Variants in ZNF728 observed in about 807,000 individuals in gnomAD.
ZNF728 encodes the protein zinc finger protein 728.
In ZNF728, 12 loss-of-function variants were observed where a neutral mutation model predicts 12.5. That is an observed-to-expected ratio of 0.96 (90% CI 0.61 to 1.55). The LOEUF (loss-of-function observed/expected upper bound fraction) is 1.55. Ranked by LOEUF, ZNF728 falls within the 40% of genes most tolerant of loss-of-function variation. The pLI is 0.00. For synonymous variants in ZNF728, 205 were observed against 240.7 expected (o/e 0.85, Z 1.37); for missense variants, 692 against 719.2 (o/e 0.96, Z 0.43).
Position 23,003,018 on chromosome 19 carries a change from G to A in ZNF728, c.3+10C>T. 1 of 1,583,612 alleles carries A rather than the reference G, an allele frequency of 6.3e-7. No homozygotes were observed. On this transcript the variant is annotated intron_variant, in intron 1 of 3. Transcript: ENST00000594710. ...CCACTCTCTCGGGATGTCGGACCCGGCTGACTCACCATTTCTAGGCTTCCG... is the reference window on the plus strand; with the variant it reads ...CCACTCTCTCGGGATGTCGGACCCGACTGACTCACCATTTCTAGGCTTCCG...
intron 3 of ZNF728, among the ~76,000 whole-genome samples, chr19:22,978,726 G>A (rs1968831443): frequency 6.6e-6 from 1 of 152,184 alleles, no homozygotes; most frequent in Admixed American, 6.5e-5. Flanking sequence ...AGGGTCTGGA[G>A]TGGACCTCCA....
At chr19:22,987,436 G>T in intron 2 of ZNF728, 33 bp from the exon 3 acceptor site, 1 of 1,550,812 alleles carries the variant, frequency 6.4e-7, no homozygotes, top group Non-Finnish European at 8.7e-7. Flanking sequence ...CATGCATCTT[G>T]CTCATATTCT....
intron 3 of ZNF728, among the ~76,000 whole-genome samples, chr19:22,978,197 T>G (rs988260258): frequency 6.6e-6 from 1 of 151,662 alleles, no homozygotes; most frequent in Non-Finnish European, 1.5e-5. Flanking sequence ...TCTTAGGAGC[T>G]GCAAGATAAA....
intron 3 of ZNF728, among the ~76,000 whole-genome samples, chr19:22,986,189 G>A (rs1361861142): frequency 4.0e-5 from 6 of 151,784 alleles, no homozygotes; most frequent in Admixed American, 6.6e-5. Flanking sequence ...AGGTGTTTGC[G>A]CCTTCAAATT....
At chr19:22,985,023 T>C (rs1968900811) in intron 3 of ZNF728, among the ~76,000 whole-genome samples, 1 of 152,142 alleles carries the variant, frequency 6.6e-6, no homozygotes, top group Admixed American at 6.5e-5. Flanking sequence ...CAATAATTAT[T>C]ACTGTAAGCT....
Position 22,975,490 on chromosome 19 carries a change from C to A in ZNF728, c.1847G>T (p.Gly616Val). The A allele has an allele frequency of 6.5e-7, 1 of 1,548,690 alleles. No individual in the cohort carries two copies. Among genetic ancestry groups the A allele is most frequent in the Non-Finnish European group, 8.7e-7 (1 of 1,152,038 alleles). ...TTTTCACATTTGTAGGGTTTTTCCT[C>A]CAGTATGAATTCTCTTATGAGTAGT... ...HLTTHKRIHTGGKTLQM is the reference protein window; with the variant it reads ...HLTTHKRIHTVGKTLQM Residue 616 changes from glycine (G) to valine (V), a missense_variant, in exon 4 of 4, where the codon GGA becomes GTA. Transcript: ENST00000594710.
At chr19:22,991,158 C>T (rs1968983439) in intron 1 of ZNF728, among the ~76,000 whole-genome samples, 1 of 152,182 alleles carries the variant, frequency 6.6e-6, no homozygotes, top group Non-Finnish European at 1.5e-5. Flanking sequence ...CTAAAGTTTA[C>T]AGAGAAAATA....
chr19:22,976,802 C>T lies in ZNF728; in HGVS notation c.535G>A (p.Val179Ile). The change falls in exon 4 of 4, where the codon GTC (valine) becomes ATC (isoleucine). Residue 179 changes from valine to isoleucine, a missense_variant. By Grantham distance (29) the Val-to-Ile change is conservative. Transcript: ENST00000594710. ...TGTGAAAGCATGCAAAATGATCTGA[C>T]ATATTCTTTACATTTCAAAAGTTTC... ...GKKLLKCKEY[V>I]RSFCMLSHLS... The T allele has an allele frequency of 6.2e-7, 1 of 1,613,450 alleles. No homozygotes were observed. The highest frequency in any genetic ancestry group is 8.5e-7 in the Non-Finnish European group (1 of 1,179,824).
In ZNF728 at chr19:23,003,171, G is replaced by T; in HGVS notation, c.-141C>A. 2.0e-6 allele frequency: 2 copies of T among 1,014,934 alleles called. No homozygotes were observed. Among genetic ancestry groups the T allele is most frequent in the Non-Finnish European group, 1.4e-6 (1 of 711,588 alleles). 62.9% of individuals were successfully genotyped at this position (1,014,934 alleles called of 1,614,324 possible). ...ACCTTGACCTCCGCGTGCAGCGAGA[G>T]CCAACGGTCCTACCACATCCCGGAA... On this transcript the variant is annotated 5_prime_UTR_variant, in exon 1 of 4. Transcript: ENST00000594710.
At position 22,976,974 on chromosome 19, in the gene ZNF728, ATC is replaced by A. The variant is rs1445708792; in HGVS notation, c.361_362del (p.Asp121Ter). The A allele has an allele frequency of 6.2e-7, 1 of 1,613,576 alleles. No homozygotes were observed. ...AACCTTTTTTGTGCACCTTACACTCATCCACATTGGTACAACCAATTTTTAAC... is the reference window on the plus strand; with the variant it reads ...AACCTTTTTTGTGCACCTTACACTCACACATTGGTACAACCAATTTTTAAC... ...LQLKIGCTNV[D>X]ECKVHKKGYN... On this transcript the variant is annotated frameshift_variant, in exon 4 of 4. Transcript: ENST00000594710. LOFTEE classifies it low-confidence loss of function (END_TRUNC).
intron 1 of ZNF728, 37 bp downstream of exon 1, chr19:23,002,991 T>G (rs760992529): frequency 1.9e-6 from 3 of 1,587,994 alleles, no homozygotes; most frequent in Non-Finnish European, 2.6e-6. Flanking sequence ...AACCAGCGGC[T>G]GCCACTCTCT....
rs1231969486 is a variant in ZNF728, at chr19:22,976,041, G to A, written c.1296C>T (p.Ala432=). Residue 432 remains alanine (A), a synonymous_variant, in exon 4 of 4, where the codon GCC becomes GCT. Transcript: ENST00000594710. The stretch of plus-strand genomic sequence containing the variant: ...TAGTAAGGCTCGAAAATGTAGTAAA[G>A]GCTTTGCCACATTCTTCACATTTGT... ...KPYKCEECGK[A]FTTFSSLTKH... is the part of the protein sequence containing the mutation. 6.3e-7 allele frequency: 1 copy of A among 1,589,612 alleles called. No homozygotes were observed. The highest frequency in any genetic ancestry group is 8.6e-7 in the Non-Finnish European group (1 of 1,164,632).
intron 1 of ZNF728, among the ~76,000 whole-genome samples, chr19:22,996,587 G>A (rs1355134831): frequency 1.3e-5 from 2 of 151,452 alleles, no homozygotes; most frequent in Non-Finnish European, 2.9e-5. Flanking sequence ...GAACAAATCT[G>A]TGTCTAGTTT....
Position 22,975,854 on chromosome 19 carries a change from G to C in ZNF728, c.1483C>G (p.Leu495Val), listed in dbSNP as rs765816915. 11 of 1,612,284 alleles carry C rather than the reference G, an allele frequency of 6.8e-6. No individual in the cohort carries two copies. The South Asian group carries it at 1.1e-4, about 16-fold the overall frequency. The stretch of plus-strand genomic sequence containing the variant: ...GTATGAATTCTCTTATGTTCCATAA[G>C]GTTTGAGGACCACTTAAAGGCTTTG... ...CGKAFKWSSN[L>V]MEHKRIHTGE... Residue 495 changes from leucine (L) to valine (V), a missense_variant, in exon 4 of 4, where the codon CTT becomes GTT. By Grantham distance (32) the Leu-to-Val change is conservative. Around this residue, in one of 3 missense-constraint regions of ZNF728, gnomAD observed 244 missense variants for 235.2 expected, o/e 1.04. Coordinates refer to ENST00000594710, the MANE Select transcript of ZNF728 (RefSeq NM_001267716.2).
chr19:22,992,395 A>G (rs1180113304), intron 1 of ZNF728, among the ~76,000 whole-genome samples: 1 of 151,994 alleles, frequency 6.6e-6, no homozygotes, highest in Non-Finnish European at 1.5e-5. Flanking sequence ...GGCATGAGCC[A>G]CCACACCAGG....
chr19:22,983,007 A>G (rs1208166581), intron 3 of ZNF728, among the ~76,000 whole-genome samples: 1 of 152,188 alleles, frequency 6.6e-6, no homozygotes, highest in African/African-American at 2.4e-5. Context: ...CAAATTGACA[A>G]ACGGGACCTA....
At position 22,977,058 on chromosome 19, in the gene ZNF728, A is replaced by C; in HGVS notation, c.279T>G (p.Asp93Glu). Residue 93 changes from aspartate to glutamate, a missense_variant, in exon 4 of 4, where the codon GAT (aspartate) becomes GAG (glutamate). Physicochemically the swap from Asp to Glu is conservative, Grantham distance 45. This residue lies in a region of ZNF728 where 440 missense variants were observed against 459.6 expected (regional missense o/e 0.96). Transcript: ENST00000594710. ...QDLWPEQGRE[D>E]SFQKVILRRY... ...TTCTCAATATCACTTTTTGGAAAGAATCTTCTCTGCCCTGCTCTGGCCAAA... is the reference window on the plus strand; with the variant it reads ...TTCTCAATATCACTTTTTGGAAAGACTCTTCTCTGCCCTGCTCTGGCCAAA... 6.2e-7 allele frequency: 1 copy of C among 1,612,560 alleles called. No individual in the cohort carries two copies. Among genetic ancestry groups the C allele is most frequent in the Non-Finnish European group, 8.5e-7 (1 of 1,179,414 alleles).
chr19:22,980,198 G>GA (rs1568274736), intron 3 of ZNF728, among the ~76,000 whole-genome samples: 7 of 94,342 alleles, frequency 7.4e-5, no homozygotes, highest in Non-Finnish European at 1.0e-4. Flanking sequence ...AAAAAAAAAA[G>GA]AAACAAAAAA....
chr19:22,996,135 G>A (rs1406721570), intron 1 of ZNF728, among the ~76,000 whole-genome samples: 2 of 152,052 alleles, frequency 1.3e-5, no homozygotes, highest in African/African-American at 4.8e-5. Flanking sequence ...ATAATTTTAT[G>A]TACTAGTCAT....
Sources: gnomAD v4.1 joint callset for allele counts (sites outside exome capture counted in the v4.1 genomes callset) on GRCh38, gnomAD v4.1.1 for gene constraint, gnomAD v4.1.1 regional missense constraint, MANE v1.5 for transcripts, NCBI Gene and HGNC (gene_info 2026-07-23, HGNC 2026-07-21) for gene names.